Variants in RNASEH2C observed in about 807,000 individuals in gnomAD.
RNASEH2C encodes ribonuclease H2 subunit C, also known as RNase H1 small subunit.
RNASEH2C carries 20 observed loss-of-function variants against 16.3 expected under a neutral mutation model. The observed-to-expected ratio is 1.23, with a 90% CI of 0.86 to 1.79. The LOEUF (loss-of-function observed/expected upper bound fraction) is 1.79, where lower values mean the gene tolerates loss of function less well. RNASEH2C is among the 40% of genes most tolerant of loss of function. The pLI is 0.00. For synonymous variants in RNASEH2C, 106 were observed against 98.9 expected (o/e 1.07, Z -0.43); for missense variants, 296 against 235.9 (o/e 1.25, Z -1.67).
chr11:65,720,257 C>T lies in RNASEH2C; in HGVS notation c.333G>A (p.Pro111=). 1 of 1,614,288 alleles carries T rather than the reference C, an allele frequency of 6.2e-7. No homozygotes were observed. Among genetic ancestry groups the T allele is most frequent in the Non-Finnish European group, 8.5e-7 (1 of 1,180,058 alleles). Residue 111 remains proline (P), a synonymous_variant, in exon 2 of 4, where the codon CCG becomes CCA. Transcript: ENST00000308418. ...DSGTDDQEEE[P]LERDFDRFIG... is the part of the protein sequence containing the mutation. ...CTTTGCTCACGAAGTCCCGCTCCAG[C>T]GGCTCCTCCTCTTGGTCGTCAGTCC...
rs752329713 is a variant in RNASEH2C at position 65,719,729 on chromosome 11, G to A, written c.*54C>T. 3.1e-6 allele frequency: 5 copies of A among 1,598,764 alleles called. No individual in the cohort carries two copies. The highest frequency in any genetic ancestry group is 2.2e-5 in the East Asian group (1 of 44,806). ...TTGGGGTGATGGAATCGGTTCCAAA[G>A]AGCTGGTTTACTGCTGTGAAGGGAT... On this transcript the variant is annotated 3_prime_UTR_variant, in exon 4 of 4. Coordinates refer to ENST00000308418, the MANE Select transcript of RNASEH2C (RefSeq NM_032193.4).
Position 65,719,024 on chromosome 11 carries a change from C to T in RNASEH2C, c.*759G>A. On this transcript the variant is annotated 3_prime_UTR_variant, in exon 4 of 4. Coordinates refer to ENST00000308418, the MANE Select transcript of RNASEH2C (RefSeq NM_032193.4). ...CAGTCCTCTGTGGGCTGACCACCTG[C>T]TGAACCCATCTCCTCTGCCCAGGGC... 6.2e-7 allele frequency: 1 copy of T among 1,614,020 alleles called. No individual in the cohort carries two copies. The highest frequency in any genetic ancestry group is 8.5e-7 in the Non-Finnish European group (1 of 1,179,948).
In RNASEH2C at chr11:65,718,798, TC is replaced by T; in HGVS notation, c.*984del. The stretch of plus-strand genomic sequence containing the variant: ...GGGGTACATGGCATGGCTTGTCTGT[TC>T]CTGGGCTTTCTCTCTCAGGGCTCCT... On this transcript the variant is annotated 3_prime_UTR_variant, in exon 4 of 4. Coordinates refer to ENST00000308418, the MANE Select transcript of RNASEH2C (RefSeq NM_032193.4). The T allele has an allele frequency of 1.9e-6, 3 of 1,613,994 alleles. No individual in the cohort carries two copies. The highest frequency in any genetic ancestry group is 2.7e-5 in the African/African-American group (2 of 75,022).
In RNASEH2C at chr11:65,718,555, C is replaced by G; in HGVS notation, c.*1228G>C. 1 of 1,597,114 alleles carries G rather than the reference C, an allele frequency of 6.3e-7. No individual in the cohort carries two copies. Among genetic ancestry groups the G allele is most frequent in the Non-Finnish European group, 8.6e-7 (1 of 1,169,144 alleles). On this transcript the variant is annotated 3_prime_UTR_variant, in exon 4 of 4. Coordinates refer to ENST00000308418, the MANE Select transcript of RNASEH2C (RefSeq NM_032193.4). ...AAATGTTGCTTATGTTCATCTGTGA[C>G]CTCTTACTCACCCTCTCCTGCTCCA... is the stretch of plus-strand genomic sequence containing the variant.
chr11:65,720,091 T>A lies in RNASEH2C; in HGVS notation c.422A>T (p.Asp141Val). The A allele has an allele frequency of 6.2e-7, 1 of 1,614,160 alleles. No homozygotes were observed. The highest frequency in any genetic ancestry group is 8.5e-7 in the Non-Finnish European group (1 of 1,180,046). Residue 141 changes from aspartate (D) to valine (V), a missense_variant, in exon 3 of 4, where the codon GAT becomes GTT. Physicochemically the swap from Asp to Val is radical, Grantham distance 152. Transcript: ENST00000308418. ...LWGLETIPGP[D>V]AKVRGALTWP... ...AGTTAAGGCCCCACGCACTTTGGCATCCGGGCCAGGGATGGTCTCCAGACC... is the reference window on the plus strand; with the variant it reads ...AGTTAAGGCCCCACGCACTTTGGCAACCGGGCCAGGGATGGTCTCCAGACC...
At chr11:65,720,496 A>T in intron 1 of RNASEH2C, 79 bp from the exon 2 acceptor site, 1 of 1,583,726 alleles carries the variant, frequency 6.3e-7, no homozygotes, top group Non-Finnish European at 8.6e-7. Context: ...CCACCTCCGG[A>T]CGGACCACGA....
In RNASEH2C at chr11:65,717,891, T is replaced by A. The variant is rs1441002184; in HGVS notation, c.*1892A>T. On this transcript the variant is annotated 3_prime_UTR_variant, in exon 4 of 4. Transcript: ENST00000308418. Reference sequence around the variant, plus strand: ...AGAAGTAACAAACATCCCAGGTCCCTGACTGGGGAGAATGAAGACACTGAC... The same window carrying A: ...AGAAGTAACAAACATCCCAGGTCCCAGACTGGGGAGAATGAAGACACTGAC... The A allele has an allele frequency of 1.3e-5, 2 of 152,562 alleles. No homozygotes were observed. Among genetic ancestry groups the A allele is most frequent in the African/African-American group, 4.8e-5 (2 of 41,442 alleles). The allele number at this position is 152,562 out of a possible 1,614,324, so 9.5% of individuals were successfully genotyped here.
rs542132990 is a variant in RNASEH2C, at chr11:65,718,558, C to T, written c.*1225G>A. ...TGTTGCTTATGTTCATCTGTGACCT[C>T]TTACTCACCCTCTCCTGCTCCATTG... On this transcript the variant is annotated 3_prime_UTR_variant, in exon 4 of 4. Transcript: ENST00000308418. 1 of 1,600,468 alleles carries T rather than the reference C, an allele frequency of 6.2e-7. No homozygotes were observed. Among genetic ancestry groups the T allele is most frequent in the Admixed American group, 1.7e-5 (1 of 58,276 alleles).
rs540312974 is a variant in RNASEH2C at position 65,719,926 on chromosome 11, G to A, written c.469-117C>T. 5.6e-6 allele frequency: 9 copies of A among 1,603,990 alleles called. No homozygotes were observed. The South Asian group carries it at 9.9e-5, about 18-fold the overall frequency. On this transcript the variant is annotated intron_variant, in intron 3 of 3. Coordinates refer to ENST00000308418, the MANE Select transcript of RNASEH2C (RefSeq NM_032193.4). ...ACCGCTTCTAGACATGCTAGGAAGA[G>A]TGGTCAGGGAGCTACGCTTCCCACA...
rs1303780261 is a variant in RNASEH2C, at chr11:65,720,291, C to T, written c.299G>A (p.Arg100Gln). 1 of 1,614,122 alleles carries T rather than the reference C, an allele frequency of 6.2e-7. No individual in the cohort carries two copies. The highest frequency in any genetic ancestry group is 1.3e-5 in the African/African-American group (1 of 74,954). ...KVSMGKPDPL[R>Q]DSGTDDQEEE... ...CTCTTGGTCGTCAGTCCCGGAATCC[C>T]GCAAGGGGTCTGGCTTCCCCATCGA... The change falls in exon 2 of 4, where the codon CGG becomes CAG. Residue 100 changes from arginine to glutamine, a missense_variant. Coordinates refer to ENST00000308418, the MANE Select transcript of RNASEH2C (RefSeq NM_032193.4).
chr11:65,719,748 A>T lies in RNASEH2C; in HGVS notation c.*35T>A. Reference sequence around the variant, plus strand: ...TCCAAAGAGCTGGTTTACTGCTGTGAAGGGATCGCAGCTTTGAATTTCAAG... The same window carrying T: ...TCCAAAGAGCTGGTTTACTGCTGTGTAGGGATCGCAGCTTTGAATTTCAAG... On this transcript the variant is annotated 3_prime_UTR_variant, in exon 4 of 4. Coordinates refer to ENST00000308418, the MANE Select transcript of RNASEH2C (RefSeq NM_032193.4). The T allele has an allele frequency of 6.2e-7, 1 of 1,612,606 alleles. No homozygotes were observed.
rs756336995 is a variant in RNASEH2C at position 65,720,468 on chromosome 11, C to A, written c.173-51G>T. On this transcript the variant is annotated intron_variant, in intron 1 of 3. Coordinates refer to ENST00000308418, the MANE Select transcript of RNASEH2C (RefSeq NM_032193.4). ...CAGGCAGGACCCACGCTGGGTCGAG[C>A]CCGGAGCTGCCCTCCCGCCACCTCC... 24 of 1,602,104 alleles carry A rather than the reference C, an allele frequency of 1.5e-5. No individual in the cohort carries two copies. In the East Asian group the frequency reaches 4.0e-4, roughly 27 times the overall value.
In RNASEH2C at chr11:65,720,764, C is replaced by G. The variant is rs1857364044; in HGVS notation, c.-6G>C. ...GCTTCGTCGCCGCTCTCCATCCTCC[C>G]TCCTACGCGACGCCAGGGCTCGCGA... is the stretch of plus-strand genomic sequence containing the variant. On this transcript the variant is annotated 5_prime_UTR_variant, in exon 1 of 4. Coordinates refer to ENST00000308418, the MANE Select transcript of RNASEH2C (RefSeq NM_032193.4). 1 of 1,582,718 alleles carries G rather than the reference C, an allele frequency of 6.3e-7. No homozygotes were observed. The highest frequency in any genetic ancestry group is 8.5e-7 in the Non-Finnish European group (1 of 1,170,848).
chr11:65,720,541 C>T (rs201951802), intron 1 of RNASEH2C, 46 bp downstream of exon 1: 1 of 1,527,220 alleles, frequency 6.5e-7, no homozygotes, highest in South Asian at 1.2e-5. Flanking sequence ...AGCGCGCAGG[C>T]CGGCGCGGGG....
At chr11:65,719,949 A>G in intron 3 of RNASEH2C, 96 bp downstream of exon 3, 1 of 1,606,986 alleles carries the variant, frequency 6.2e-7, no homozygotes, top group Admixed American at 1.7e-5. Context: ...TACGCTTCCC[A>G]CACACTACCC....
In RNASEH2C at chr11:65,720,377, C is replaced by T. The variant is rs372999020; in HGVS notation, c.213G>A (p.Glu71=). Reference sequence around the variant, plus strand: ...CGAGGCCAGGCGGCACCGCCACCTCCTCTCCCCGTAGACAGCGGCCCCGAA... The same window carrying T: ...CGAGGCCAGGCGGCACCGCCACCTCTTCTCCCCGTAGACAGCGGCCCCGAA... ...VSFRGRCLRG[E]EVAVPPGLVG... is the part of the protein sequence containing the mutation. The change falls in exon 2 of 4, where the codon GAG becomes GAA. Residue 71 remains glutamate (E), a synonymous_variant. Coordinates refer to ENST00000308418, the MANE Select transcript of RNASEH2C (RefSeq NM_032193.4). 25 of 1,614,246 alleles carry T rather than the reference C, an allele frequency of 1.5e-5. No individual in the cohort carries two copies. Among genetic ancestry groups the T allele is most frequent in the African/African-American group, 1.3e-4 (10 of 75,082 alleles).
chr11:65,718,249 C>A lies in RNASEH2C; in HGVS notation c.*1534G>T. On this transcript the variant is annotated 3_prime_UTR_variant, in exon 4 of 4. Coordinates refer to ENST00000308418, the MANE Select transcript of RNASEH2C (RefSeq NM_032193.4). Reference sequence around the variant, plus strand: ...CTTCCTTACATGGCTAGACACAGAGCCCGGGATGGCAAAGGAAAATTGGAG... The same window carrying A: ...CTTCCTTACATGGCTAGACACAGAGACCGGGATGGCAAAGGAAAATTGGAG... 4.3e-6 allele frequency: 1 copy of A among 232,646 alleles called. No homozygotes were observed. The highest frequency in any genetic ancestry group is 8.5e-6 in the Non-Finnish European group (1 of 117,456). The allele number at this position is 232,646 out of a possible 1,614,324, so 14.4% of individuals were successfully genotyped here.
In RNASEH2C at chr11:65,720,076, C is replaced by A. The variant is rs763128012; in HGVS notation, c.437G>T (p.Gly146Val). 5 of 1,613,974 alleles carry A rather than the reference C, an allele frequency of 3.1e-6. No homozygotes were observed. Among genetic ancestry groups the A allele is most frequent in the Non-Finnish European group, 4.2e-6 (5 of 1,180,060 alleles). The change falls in exon 3 of 4, where the codon GGG (glycine) becomes GTG (valine). Residue 146 changes from glycine to valine, a missense_variant. Gly to Val is a moderately radical substitution (Grantham distance 109). Coordinates refer to ENST00000308418, the MANE Select transcript of RNASEH2C (RefSeq NM_032193.4). ...CGCAAGGCTGGGCCAAGTTAAGGCC[C>A]CACGCACTTTGGCATCCGGGCCAGG... The part of the protein sequence containing the change: ...TIPGPDAKVR[G>V]ALTWPSLAAA...
rs1857324721 is a variant in RNASEH2C at position 65,719,492 on chromosome 11, G to A, written c.*291C>T. On this transcript the variant is annotated 3_prime_UTR_variant, in exon 4 of 4. Transcript: ENST00000308418. ...AGCTCTGTACAGAGGGCTGGTGATT[G>A]TAAAAATTTCTTTTGTAAAGTAGAA... 6.6e-6 allele frequency: 4 copies of A among 609,772 alleles called. No individual in the cohort carries two copies. The highest frequency in any genetic ancestry group is 4.0e-5 in the South Asian group (2 of 49,734). The allele number at this position is 609,772 out of a possible 1,614,324, so 37.8% of individuals were successfully genotyped here. A position where few individuals can be genotyped will look rare whatever the true frequency, so the allele number is the denominator to read the frequency against.
Sources: gnomAD v4.1 joint callset for allele counts on GRCh38, gnomAD v4.1.1 for gene constraint, MANE v1.5 for transcripts, NCBI Gene and HGNC (gene_info 2026-07-23, HGNC 2026-07-21) for gene names.